The following SPMIP2 variants were observed in gnomAD, a reference collection of about 807,000 sequenced individuals.
The protein encoded by SPMIP2 is sperm microtubule inner protein 2.
chr4:158,961,482 A>G, the SPMIP2 span, among the ~76,000 whole-genome samples: 1 of 152,148 alleles, frequency 6.6e-6, no homozygotes, highest in Non-Finnish European at 1.5e-5. Context: ...TAATCTGCAT[A>G]TAATAGAAAG....
At chr4:158,963,076 G>A in the SPMIP2 span, among the ~76,000 whole-genome samples, 1 of 151,888 alleles carries the variant, frequency 6.6e-6, no homozygotes, top group Non-Finnish European at 1.5e-5. Flanking sequence ...TGCTTTCTGG[G>A]GAGTATCTAA....
chr4:158,992,899 C>T, the SPMIP2 span, among the ~76,000 whole-genome samples: 5 of 152,132 alleles, frequency 3.3e-5, no homozygotes, highest in Admixed American at 6.5e-5. Context: ...GCACATTGGC[C>T]GTTAAATTTC....
chr4:159,046,864 C>T, the SPMIP2 span, among the ~76,000 whole-genome samples: 8 of 152,244 alleles, frequency 5.3e-5, no homozygotes, highest in Admixed American at 1.3e-4. Flanking sequence ...TGAGCAACTA[C>T]GCCCAGCCCT....
the SPMIP2 span, among the ~76,000 whole-genome samples, chr4:158,913,813 C>T: frequency 6.6e-6 from 1 of 150,516 alleles, no homozygotes; most frequent in African/African-American, 2.5e-5. Context: ...CAATGCACTC[C>T]AGCCTGGGCA....
the SPMIP2 span, among the ~76,000 whole-genome samples, chr4:158,980,493 G>T: frequency 6.6e-6 from 1 of 152,250 alleles, no homozygotes; most frequent in Admixed American, 6.5e-5. Flanking sequence ...CTGGGACAAA[G>T]CTTACAGAGG....
chr4:158,930,083 A>C, the SPMIP2 span, among the ~76,000 whole-genome samples: 1 of 152,170 alleles, frequency 6.6e-6, no homozygotes, highest in African/African-American at 2.4e-5. Context: ...CATACATAGA[A>C]TTCTTGGCTG....
the SPMIP2 span, among the ~76,000 whole-genome samples, chr4:158,896,849 T>TTATTA: frequency 1.3e-5 from 2 of 151,758 alleles, no homozygotes; most frequent in African/African-American, 2.4e-5. Flanking sequence ...TAGTTTTTTT[T>TTATTA]TTATTATTAT....
the SPMIP2 span, among the ~76,000 whole-genome samples, chr4:159,010,079 G>T: frequency 6.6e-6 from 1 of 152,164 alleles, no homozygotes; most frequent in Non-Finnish European, 1.5e-5. Flanking sequence ...GCAAAATCCC[G>T]GTGCTGAAAT....
chr4:158,910,216 C>T, the SPMIP2 span, among the ~76,000 whole-genome samples: 91 of 151,582 alleles, frequency 6.0e-4, 1 homozygote, highest in Non-Finnish European at 9.1e-4. Context: ...CTTGGCTAGG[C>T]GATAGTAATC....
chr4:158,902,071 G>T, the SPMIP2 span, among the ~76,000 whole-genome samples: 2 of 151,884 alleles, frequency 1.3e-5, no homozygotes, highest in Non-Finnish European at 2.9e-5. Context: ...AGAGCATTCT[G>T]GTTTTTTGAA....
At chr4:158,902,769 C>T in the SPMIP2 span, among the ~76,000 whole-genome samples, 1 of 152,250 alleles carries the variant, frequency 6.6e-6, no homozygotes, top group South Asian at 2.1e-4. Context: ...AACTTCCAGG[C>T]AGCTTTGTTT....
At chr4:158,928,828 AAAC>A in the SPMIP2 span, among the ~76,000 whole-genome samples, 2 of 152,238 alleles carry the variant, frequency 1.3e-5, no homozygotes, top group South Asian at 2.1e-4. Context: ...CGGGAGGAAC[AAAC>A]AACACCAGAC....
At chr4:158,974,977 T>C in the SPMIP2 span, among the ~76,000 whole-genome samples, 7 of 152,256 alleles carry the variant, frequency 4.6e-5, no homozygotes, top group African/African-American at 1.4e-4. Context: ...TGTTGTTTAC[T>C]GACTTTTTAA....
chr4:158,967,026 C>T, the SPMIP2 span, among the ~76,000 whole-genome samples: 1 of 152,108 alleles, frequency 6.6e-6, no homozygotes, highest in Non-Finnish European at 1.5e-5. Flanking sequence ...ACTCTTTGTG[C>T]AACTGCTTTG....
At chr4:158,940,208 C>A in the SPMIP2 span, among the ~76,000 whole-genome samples, 1 of 152,114 alleles carries the variant, frequency 6.6e-6, no homozygotes, top group Admixed American at 6.5e-5. Flanking sequence ...ATGGTTCTCC[C>A]TCTGTACTTG....
the SPMIP2 span, among the ~76,000 whole-genome samples, chr4:158,934,909 C>T: frequency 3.3e-5 from 5 of 152,166 alleles, no homozygotes; most frequent in Admixed American, 2.6e-4. Context: ...CTCGGTCTCT[C>T]CTTCCTCAGC....
At chr4:159,051,377 G>C in the SPMIP2 span, among the ~76,000 whole-genome samples, 1 of 152,122 alleles carries the variant, frequency 6.6e-6, no homozygotes, top group South Asian at 2.1e-4. Flanking sequence ...AATACCACCA[G>C]ACTGTAAACT....
the SPMIP2 span, among the ~76,000 whole-genome samples, chr4:159,014,753 T>G: frequency 1.3e-5 from 2 of 152,060 alleles, no homozygotes; most frequent in Non-Finnish European, 2.9e-5. Context: ...CTGGGTTACA[T>G]TGGAAGAAGA....
chr4:159,037,819 CACACACACAT>C, the SPMIP2 span, among the ~76,000 whole-genome samples: 31 of 143,892 alleles, frequency 2.2e-4, no homozygotes, highest in South Asian at 4.6e-4. Flanking sequence ...CACACACACA[CACACACACAT>C]ATATATATGT....
Sources: allele counts gnomAD v4.1 joint callset (sites outside exome capture counted in the v4.1 genomes callset), GRCh38; gene constraint gnomAD v4.1.1; transcripts MANE v1.5; gene names NCBI Gene and HGNC (gene_info 2026-07-23, HGNC 2026-07-21).